Variants in SIL1 observed in about 807,000 individuals in gnomAD.
SIL1 encodes the protein SIL1 nucleotide exchange factor.
Under a neutral mutation model 49.1 loss-of-function variants are expected in SIL1, and 40 were observed. The observed-to-expected ratio is 0.81, with a 90% CI of 0.63 to 1.06. The LOEUF is 1.06. Among genes scored for constraint, SIL1 ranks in the 50% least tolerant of loss-of-function variants. The pLI, the probability that SIL1 is intolerant of heterozygous loss-of-function variation, is 0.00. For missense variants in SIL1, 500 were observed against 572.6 expected (o/e 0.87, Z 1.29); for synonymous variants, 253 against 250.8 (o/e 1.01, Z -0.08).
intron 5 of SIL1, among the ~76,000 whole-genome samples, chr5:139,029,323 A>G (rs1050045991): frequency 3.9e-5 from 6 of 152,218 alleles, no homozygotes; most frequent in Non-Finnish European, 8.8e-5. Context: ...AGGCAAACTT[A>G]CAGACACAAA....
At chr5:139,091,758 C>G (rs1198993263) in intron 3 of SIL1, among the ~76,000 whole-genome samples, 1 of 152,178 alleles carries the variant, frequency 6.6e-6, no homozygotes, top group African/African-American at 2.4e-5. Flanking sequence ...TGGCCAACAC[C>G]CTGGTTTCAG....
At chr5:139,001,689 G>C (rs907124759) in intron 7 of SIL1, among the ~76,000 whole-genome samples, 3 of 152,214 alleles carry the variant, frequency 2.0e-5, no homozygotes, top group African/African-American at 7.2e-5. Context: ...GGTGGAGCAA[G>C]AGGTCAGGAG....
At chr5:139,100,050 T>G (rs546201799) in intron 3 of SIL1, among the ~76,000 whole-genome samples, 1 of 152,210 alleles carries the variant, frequency 6.6e-6, no homozygotes, top group Non-Finnish European at 1.5e-5. Flanking sequence ...CTCATAAATA[T>G]ATACACCTAT....
rs1383460815 is a variant in SIL1, at chr5:139,040,496, TTC to T, written c.453+2122_453+2123del. The stretch of plus-strand genomic sequence containing the variant: ...AGGAGTATTTTTTCTTTTTTCTTTT[TTC>T]TTTTTTTTTTTTTTTTTGAGACAGA... On this transcript the variant is annotated intron_variant, in intron 5 of 9. Transcript: ENST00000394817. 2.7e-4 allele frequency among the ~76,000 whole-genome samples: 29 copies of T among 109,410 alleles called. 2 individuals are homozygous for T. The highest frequency in any genetic ancestry group is 3.0e-4 in the Non-Finnish European group (17 of 56,458). 71.8% of individuals were successfully genotyped at this position (109,410 alleles called of 152,430 possible). A position where few individuals can be genotyped will look rare whatever the true frequency, so the allele number is the denominator to read the frequency against.
chr5:139,167,120 G>A (rs1221315001), intron 1 of SIL1, among the ~76,000 whole-genome samples: 1 of 151,954 alleles, frequency 6.6e-6, no homozygotes, highest in Non-Finnish European at 1.5e-5. Context: ...CCTTTGTCTT[G>A]TATTTTTAGT....
chr5:139,184,999 C>T (rs945684087), intron 1 of SIL1, among the ~76,000 whole-genome samples: 1 of 152,164 alleles, frequency 6.6e-6, no homozygotes, highest in Admixed American at 6.5e-5. Context: ...AGCAGGTCTC[C>T]AAATAACATT....
chr5:139,177,716 A>G (rs1751913756), intron 1 of SIL1, among the ~76,000 whole-genome samples: 1 of 152,224 alleles, frequency 6.6e-6, no homozygotes, highest in Non-Finnish European at 1.5e-5. Flanking sequence ...TTGGTCTGGC[A>G]GCACGTAACT....
intron 7 of SIL1, among the ~76,000 whole-genome samples, chr5:139,008,323 T>G (rs1356645770): frequency 6.8e-6 from 1 of 147,592 alleles, no homozygotes; most frequent in Non-Finnish European, 1.5e-5. Flanking sequence ...TTTATCATTT[T>G]TTATTGTGTC....
At chr5:139,008,270 T>C (rs1252091042) in intron 7 of SIL1, among the ~76,000 whole-genome samples, 1 of 151,376 alleles carries the variant, frequency 6.6e-6, no homozygotes, top group Admixed American at 6.6e-5. Context: ...TAGTATTCTC[T>C]GATGGTAGTT....
intron 7 of SIL1, 149 bp downstream of exon 7, chr5:139,021,021 CT>C (rs1255577221): frequency 8.8e-7 from 1 of 1,130,408 alleles, no homozygotes; most frequent in African/African-American, 1.5e-5. Flanking sequence ...TTCCTATCTA[CT>C]TGGAATAAGG....
Position 138,951,180 on chromosome 5 carries a change from G to T in SIL1, c.1020C>A (p.Val340=). 6.2e-7 allele frequency: 1 copy of T among 1,611,420 alleles called. No homozygotes were observed. Among genetic ancestry groups the T allele is most frequent in the South Asian group, 1.1e-5 (1 of 90,268 alleles). The change falls in exon 9 of 10, where the codon GTC becomes GTA. Residue 340 remains valine, a synonymous_variant. Coordinates refer to ENST00000394817, the MANE Select transcript of SIL1 (RefSeq NM_022464.5). The part of the protein sequence containing the change: ...VRVVTLLYDL[V]TEKMFAEEEA... ...GGGCCTGGGCACTCACCTTCTCCGT[G>T]ACCAGGTCGTAGAGCAGTGTGACCA...
chr5:138,979,438 G>A (rs1233889354), intron 7 of SIL1, among the ~76,000 whole-genome samples: 1 of 152,186 alleles, frequency 6.6e-6, no homozygotes, highest in Non-Finnish European at 1.5e-5. Flanking sequence ...ACACCTATCT[G>A]TCTTGTTCAC....
chr5:139,054,184 G>C (rs866301816), intron 3 of SIL1, among the ~76,000 whole-genome samples: 1 of 152,188 alleles, frequency 6.6e-6, no homozygotes, highest in African/African-American at 2.4e-5. Context: ...GGGAGGCCAA[G>C]GCAAGTGGAT....
intron 3 of SIL1, among the ~76,000 whole-genome samples, chr5:139,117,076 C>T (rs1453135104): frequency 2.0e-5 from 3 of 152,232 alleles, no homozygotes; most frequent in Admixed American, 6.5e-5. Flanking sequence ...AGAAAAGGCC[C>T]TGGCCTTGCC....
At chr5:139,008,074 G>A (rs1487330916) in intron 7 of SIL1, among the ~76,000 whole-genome samples, 1 of 152,088 alleles carries the variant, frequency 6.6e-6, no homozygotes, top group Admixed American at 6.5e-5. Context: ...GAATTCAGCT[G>A]TGAATCCATC....
intron 3 of SIL1, among the ~76,000 whole-genome samples, chr5:139,116,316 CTTT>C (rs900571253): frequency 6.6e-6 from 1 of 151,920 alleles, no homozygotes. Flanking sequence ...TTTTCTTTTT[CTTT>C]TTTTTCCCCC....
At chr5:138,962,793 T>C (rs990736098) in intron 7 of SIL1, among the ~76,000 whole-genome samples, 2 of 152,024 alleles carry the variant, frequency 1.3e-5, no homozygotes, top group African/African-American at 2.4e-5. Context: ...AAGGAATTCA[T>C]GGGGGAGAAA....
chr5:138,962,774 C>T (rs759429218), intron 7 of SIL1, among the ~76,000 whole-genome samples: 8 of 152,094 alleles, frequency 5.3e-5, no homozygotes, highest in African/African-American at 1.2e-4. Context: ...ATAGACAAAG[C>T]CAGTACAGAA....
At chr5:139,095,641 A>G (rs1415842088) in intron 3 of SIL1, among the ~76,000 whole-genome samples, 2 of 152,184 alleles carry the variant, frequency 1.3e-5, no homozygotes, top group East Asian at 3.8e-4. Context: ...AAGCACTTTG[A>G]GAAGTGCAAA....
Sources: allele counts gnomAD v4.1 joint callset (sites outside exome capture counted in the v4.1 genomes callset), GRCh38; gene constraint gnomAD v4.1.1; transcripts MANE v1.5; gene names NCBI Gene and HGNC (gene_info 2026-07-23, HGNC 2026-07-21).